SWT1: variants seen among roughly 807,000 people sequenced by gnomAD.
SWT1 encodes SWT1 RNA endoribonuclease homolog, also known as transcriptional protein SWT1.
A neutral mutation model predicts 107.3 loss-of-function variants in SWT1; 33 were observed. The observed-to-expected ratio is 0.31, with a 90% CI of 0.23 to 0.41. The LOEUF is 0.41. Among genes scored for constraint, SWT1 ranks in the 10% least tolerant of loss-of-function variants. SWT1 has a pLI of 1.00. For synonymous variants in SWT1, 345 were observed against 348.3 expected (o/e 0.99, Z 0.11); for missense variants, 898 against 1,028.9 (o/e 0.87, Z 1.74).
chr1:185,193,467 CTTT>C, intron 10 of SWT1, among the ~76,000 whole-genome samples: 2 of 139,484 alleles, frequency 1.4e-5, no homozygotes, highest in South Asian at 2.3e-4. Flanking sequence ...TTTTTCTTTT[CTTT>C]TTTTTTTTTT....
chr1:185,291,233 C>G lies in SWT1; in HGVS notation c.*430C>G, dbSNP rs1454735038. ...AATCATTAGGGCATGATCATGCTCA[C>G]CATATTTCACAAATGAAATCTTAAT... On this transcript the variant is annotated 3_prime_UTR_variant, in exon 19 of 19. Transcript: ENST00000367500. The G allele has an allele frequency of 6.5e-6, 1 of 152,688 alleles. No individual in the cohort carries two copies. Among genetic ancestry groups the G allele is most frequent in the Non-Finnish European group, 1.5e-5 (1 of 68,128 alleles). The allele number at this position is 152,688 out of a possible 1,614,324, so 9.5% of individuals were successfully genotyped here. A position where few individuals can be genotyped will look rare whatever the true frequency, so the allele number is the denominator to read the frequency against.
At chr1:185,184,458 A>G (rs1656284679) in intron 8 of SWT1, 114 bp downstream of exon 8, 2 of 684,622 alleles carry the variant, frequency 2.9e-6, no homozygotes, top group Non-Finnish European at 5.1e-6. Flanking sequence ...TATGCTATAT[A>G]TTAAGCATAT....
intron 16 of SWT1, among the ~76,000 whole-genome samples, chr1:185,256,445 C>T (rs1352977558): frequency 6.6e-6 from 1 of 151,650 alleles, no homozygotes; most frequent in African/African-American, 2.4e-5. Flanking sequence ...GGTCTTTTCA[C>T]ATAGTCCCAT....
At chr1:185,211,899 CT>C (rs969840961) in intron 13 of SWT1, among the ~76,000 whole-genome samples, 1 of 152,136 alleles carries the variant, frequency 6.6e-6, no homozygotes, top group African/African-American at 2.4e-5. Flanking sequence ...AGTTCATGTC[CT>C]TTGTAGGGAC....
At chr1:185,240,284 A>G (rs775282980) in intron 16 of SWT1, among the ~76,000 whole-genome samples, 1 of 152,110 alleles carries the variant, frequency 6.6e-6, no homozygotes, top group African/African-American at 2.4e-5. Flanking sequence ...GCTCATGCCC[A>G]AATATGTTTG....
In SWT1 at chr1:185,272,220, G is replaced by C. The variant is rs1227303115; in HGVS notation, c.2508+831G>C. ...ACCCTGGAGGTAGAACTATAATGAG[G>C]CTTCAGTGTATTTTGTAAATTAACC... On this transcript the variant is annotated intron_variant, in intron 17 of 18. Coordinates refer to ENST00000367500, the MANE Select transcript of SWT1 (RefSeq NM_017673.7). 2.0e-5 allele frequency among the ~76,000 whole-genome samples: 3 copies of C among 152,302 alleles called. No individual in the cohort carries two copies. The South Asian group carries it at 6.2e-4, about 32-fold the overall frequency.
At chr1:185,246,691 A>G (rs1022487833) in intron 16 of SWT1, among the ~76,000 whole-genome samples, 1 of 127,376 alleles carries the variant, frequency 7.9e-6, no homozygotes, top group Non-Finnish European at 1.6e-5. Flanking sequence ...GTGCAGTTGT[A>G]TGATCATAGC....
At chr1:185,236,175 T>C (rs1319601837) in intron 16 of SWT1, among the ~76,000 whole-genome samples, 2 of 152,208 alleles carry the variant, frequency 1.3e-5, no homozygotes, top group African/African-American at 4.8e-5. Context: ...ATTGACTTTC[T>C]TCACAGAATT....
intron 14 of SWT1, among the ~76,000 whole-genome samples, chr1:185,220,244 T>C (rs977758687): frequency 4.0e-5 from 6 of 150,434 alleles, no homozygotes; most frequent in Non-Finnish European, 1.5e-5. Context: ...CTTTTCTTTC[T>C]TTCTTTTTTT....
intron 16 of SWT1, among the ~76,000 whole-genome samples, chr1:185,253,763 C>T (rs1295477920): frequency 6.6e-6 from 1 of 151,782 alleles, no homozygotes; most frequent in African/African-American, 2.4e-5. Context: ...AATTGAATAC[C>T]TTTTATTTCC....
In SWT1 at chr1:185,168,322, T is replaced by TAAATGA. The variant is rs58809696; in HGVS notation, c.166-18_166-17insAAATGA. 3.8e-6 allele frequency: 5 copies of TAAATGA among 1,308,656 alleles called. No individual in the cohort carries two copies. Among genetic ancestry groups the TAAATGA allele is most frequent in the Non-Finnish European group, 4.1e-6 (4 of 977,686 alleles). 81.1% of individuals were successfully genotyped at this position (1,308,656 alleles called of 1,614,324 possible). ...GTACCAGTGCACAATTTATGTGTCC[T>TAAATGA]TTTTTTATTTATTTCAGAAATCAGA... On this transcript the variant is annotated splice_polypyrimidine_tract_variant and intron_variant, in intron 3 of 18. Transcript: ENST00000367500.
intron 16 of SWT1, among the ~76,000 whole-genome samples, chr1:185,242,783 C>T (rs1238836312): frequency 3.3e-5 from 5 of 152,040 alleles, no homozygotes; most frequent in Non-Finnish European, 7.4e-5. Flanking sequence ...CTGACTAATT[C>T]TACCTAATGA....
chr1:185,181,855 T>C, intron 6 of SWT1, 91 bp from the exon 7 acceptor site: 1 of 1,403,102 alleles, frequency 7.1e-7, no homozygotes, highest in Non-Finnish European at 9.8e-7. Flanking sequence ...ATAAACCATC[T>C]CAAGTGAATT....
chr1:185,219,231 C>T (rs1659449724), intron 14 of SWT1, among the ~76,000 whole-genome samples: 2 of 152,130 alleles, frequency 1.3e-5, no homozygotes, highest in South Asian at 2.1e-4. Flanking sequence ...TCATTCTAGT[C>T]AGATTGCTGA....
At chr1:185,221,282 C>T (rs1380587642) in intron 14 of SWT1, among the ~76,000 whole-genome samples, 2 of 152,164 alleles carry the variant, frequency 1.3e-5, no homozygotes, top group East Asian at 3.8e-4. Context: ...TCAGGACTCT[C>T]CTCTTGGATT....
intron 10 of SWT1, among the ~76,000 whole-genome samples, chr1:185,201,816 T>C (rs931499039): frequency 1.3e-5 from 2 of 152,158 alleles, no homozygotes; most frequent in Non-Finnish European, 2.9e-5. Flanking sequence ...ACTTGATGAA[T>C]TGGGAAATGC....
At chr1:185,169,828 T>G (rs941805967) in intron 4 of SWT1, among the ~76,000 whole-genome samples, 3 of 151,768 alleles carry the variant, frequency 2.0e-5, no homozygotes, top group African/African-American at 7.3e-5. Flanking sequence ...CATGGGAACA[T>G]CAATGCAACA....
intron 14 of SWT1, among the ~76,000 whole-genome samples, chr1:185,217,687 C>A (rs1450539320): frequency 6.6e-6 from 1 of 152,104 alleles, no homozygotes; most frequent in Non-Finnish European, 1.5e-5. Flanking sequence ...CCTCCACCTC[C>A]CAGGTTCAAG....
chr1:185,193,211 G>GT (rs758157323), intron 10 of SWT1, among the ~76,000 whole-genome samples: 19 of 151,498 alleles, frequency 1.3e-4, no homozygotes, highest in East Asian at 1.2e-3. Flanking sequence ...TACTTGTTTT[G>GT]TTTTTTTTAC....
Sources: allele counts gnomAD v4.1 joint callset (sites outside exome capture counted in the v4.1 genomes callset), GRCh38; gene constraint gnomAD v4.1.1; transcripts MANE v1.5; gene names NCBI Gene and HGNC (gene_info 2026-07-23, HGNC 2026-07-21).